AUTS2: variants seen among roughly 807,000 people sequenced by gnomAD.
AUTS2 encodes activator of transcription and developmental regulator AUTS2.
AUTS2 carries 17 observed loss-of-function variants against 112.4 expected under a neutral mutation model. That is an observed-to-expected ratio of 0.15 (90% CI 0.10 to 0.23). AUTS2 has a LOEUF of 0.23. Among genes scored for constraint, AUTS2 ranks in the 10% least tolerant of loss-of-function variants. AUTS2 has a pLI of 1.00. For missense variants in AUTS2, 1,510 were observed against 1,701.6 expected (o/e 0.89, Z 1.98); for synonymous variants, 751 against 702.7 (o/e 1.07, Z -1.09).
intron 1 of AUTS2, among the ~76,000 whole-genome samples, chr7:69,878,677 T>C (rs1793910556): frequency 2.6e-5 from 4 of 152,198 alleles, no homozygotes; most frequent in Admixed American, 2.6e-4. Flanking sequence ...GAGCTTTTAA[T>C]TGAATCCAAA....
chr7:70,614,042 A>C (rs1041439522), intron 5 of AUTS2, among the ~76,000 whole-genome samples: 2 of 152,212 alleles, frequency 1.3e-5, no homozygotes, highest in African/African-American at 4.8e-5. Context: ...AGGGCTGTGA[A>C]GCCAGGGAGG....
intron 4 of AUTS2, among the ~76,000 whole-genome samples, chr7:70,374,216 G>A (rs1369594986): frequency 6.6e-6 from 1 of 152,128 alleles, no homozygotes; most frequent in Non-Finnish European, 1.5e-5. Flanking sequence ...CTCGAAAAGA[G>A]GGATAAAGCA....
At chr7:70,565,173 G>C (rs2129524237) in intron 5 of AUTS2, among the ~76,000 whole-genome samples, 1 of 152,236 alleles carries the variant, frequency 6.6e-6, no homozygotes, top group African/African-American at 2.4e-5. Context: ...AATTTTAAAA[G>C]TACAAAATGC....
rs143406637 is a variant in AUTS2, at chr7:70,057,263, T to C, written c.523-60869T>C. Among the ~76,000 whole-genome samples the C allele has an allele frequency of 6.1e-3, 930 of 152,284 alleles. 7 individuals carry two copies. Among genetic ancestry groups the C allele is most frequent in the African/African-American group, 0.021 (869 of 41,562 alleles). ...CCAGCTATTTTTGCTTGTCATTCTATCACATGCCGTTTACCAGGAAACATT... is the reference window on the plus strand; with the variant it reads ...CCAGCTATTTTTGCTTGTCATTCTACCACATGCCGTTTACCAGGAAACATT... On this transcript the variant is annotated intron_variant, in intron 2 of 18. Transcript: ENST00000342771.
intron 15 of AUTS2, chr7:70,784,284 A>AACAT (rs1791286539): frequency 6.6e-6 from 1 of 152,230 alleles, no homozygotes; most frequent in Non-Finnish European, 1.5e-5. Flanking sequence ...CATGCGAACT[A>AACAT]ACATACTCTT....
chr7:70,096,035 TC>T (rs1047200094), intron 2 of AUTS2, among the ~76,000 whole-genome samples: 1 of 152,014 alleles, frequency 6.6e-6, no homozygotes, highest in Non-Finnish European at 1.5e-5. Flanking sequence ...TCTCCTCAAC[TC>T]TGAGTTCAAG....
intron 1 of AUTS2, among the ~76,000 whole-genome samples, chr7:69,672,973 A>G (rs763883517): frequency 6.6e-6 from 1 of 152,242 alleles, no homozygotes; most frequent in Non-Finnish European, 1.5e-5. Flanking sequence ...TTGGGTGACC[A>G]TTCAGTGGCT....
intron 4 of AUTS2, among the ~76,000 whole-genome samples, chr7:70,367,186 C>T (rs1408053109): frequency 6.6e-6 from 1 of 152,086 alleles, no homozygotes; most frequent in African/African-American, 2.4e-5. Flanking sequence ...ATCACTTGCA[C>T]CAGGTGGCGC....
intron 5 of AUTS2, among the ~76,000 whole-genome samples, chr7:70,472,369 G>GTTT (rs55672214): frequency 1.9e-3 from 277 of 144,286 alleles, no homozygotes; most frequent in African/African-American, 4.6e-3. Context: ...TTGGGGTGGG[G>GTTT]TTTTTTTTTT....
intron 4 of AUTS2, among the ~76,000 whole-genome samples, chr7:70,381,702 C>A (rs1452409094): frequency 6.6e-6 from 1 of 152,050 alleles, no homozygotes; most frequent in Non-Finnish European, 1.5e-5. Context: ...CAAAGAAAAT[C>A]AGAGTCAGAA....
chr7:70,552,267 A>C (rs1345953785), intron 5 of AUTS2, among the ~76,000 whole-genome samples: 2 of 152,208 alleles, frequency 1.3e-5, no homozygotes, highest in African/African-American at 4.8e-5. Flanking sequence ...TTCAAGCATT[A>C]TTAAGCTTTT....
chr7:69,836,988 C>T (rs1210733992), intron 1 of AUTS2, among the ~76,000 whole-genome samples: 2 of 151,936 alleles, frequency 1.3e-5, no homozygotes, highest in Non-Finnish European at 2.9e-5. Context: ...GGTAACTGCT[C>T]GTTAGAGGGG....
At chr7:70,680,274 C>G (rs1343732017) in intron 5 of AUTS2, among the ~76,000 whole-genome samples, 1 of 152,050 alleles carries the variant, frequency 6.6e-6, no homozygotes, top group East Asian at 1.9e-4. Context: ...TAAAGAATCA[C>G]AGAGAGAGAG....
chr7:70,169,616 C>T (rs966774630), intron 4 of AUTS2, among the ~76,000 whole-genome samples: 1 of 152,124 alleles, frequency 6.6e-6, no homozygotes, highest in Admixed American at 6.5e-5. Flanking sequence ...CTTGGGAAGA[C>T]TTCATGGTCA....
At chr7:70,553,656 T>A (rs1463967957) in intron 5 of AUTS2, among the ~76,000 whole-genome samples, 1 of 151,450 alleles carries the variant, frequency 6.6e-6, no homozygotes, top group Non-Finnish European at 1.5e-5. Context: ...GGAACCACTT[T>A]AAATGGGACA....
intron 4 of AUTS2, among the ~76,000 whole-genome samples, chr7:70,243,270 TGTGTGTGTG>T (rs1435985771): frequency 7.3e-5 from 11 of 151,304 alleles, no homozygotes; most frequent in Middle Eastern, 3.2e-3. Context: ...TGTGTGTGTG[TGTGTGTGTG>T]TATGAGTATA....
chr7:70,650,413 A>G (rs1446628061), intron 5 of AUTS2, among the ~76,000 whole-genome samples: 3 of 152,216 alleles, frequency 2.0e-5, no homozygotes, highest in Admixed American at 2.0e-4. Flanking sequence ...TGCCTGGGCA[A>G]CCAACAGGGT....
rs1430371360 is a variant in AUTS2 at position 70,271,880 on chromosome 7, T to G, written c.660+137309T>G. Among the ~76,000 whole-genome samples, 5 of 152,320 alleles carry G rather than the reference T, an allele frequency of 3.3e-5. No homozygotes were observed. In the East Asian group the frequency reaches 9.6e-4, roughly 29 times the overall value. On this transcript the variant is annotated intron_variant, in intron 4 of 18. Coordinates refer to ENST00000342771, the MANE Select transcript of AUTS2 (RefSeq NM_015570.4). ...GTTAAATTAATCTTCCATTTAAAAT[T>G]AATGGAGTTAGACTCCCCAGGTTCA...
chr7:70,157,343 A>G (rs1025293375), intron 4 of AUTS2, among the ~76,000 whole-genome samples: 4 of 151,942 alleles, frequency 2.6e-5, no homozygotes, highest in African/African-American at 9.7e-5. Flanking sequence ...CAGTGGTGTA[A>G]TCTTGGCTCA....
Sources: gnomAD v4.1 joint callset for allele counts (sites outside exome capture counted in the v4.1 genomes callset) on GRCh38, gnomAD v4.1.1 for gene constraint, MANE v1.5 for transcripts, NCBI Gene and HGNC (gene_info 2026-07-23, HGNC 2026-07-21) for gene names.